ATRNL1: variants seen among roughly 807,000 people sequenced by gnomAD.
The protein encoded by ATRNL1 is attractin like 1, also known as attractin-like protein 1.
ATRNL1 carries 95 observed loss-of-function variants against 182.7 expected under a neutral mutation model. The ratio of observed to expected loss-of-function variants is 0.52; its 90% CI spans 0.44 to 0.62. ATRNL1 has a LOEUF of 0.62. Among genes scored for constraint, ATRNL1 ranks in the 20% least tolerant of loss-of-function variants. ATRNL1 has a pLI of 0.00. For synonymous variants in ATRNL1, 576 were observed against 568.3 expected (o/e 1.01, Z -0.19); for missense variants, 1,471 against 1,679.5 (o/e 0.88, Z 2.17).
chr10:115,357,587 A>G (rs1478682945), intron 19 of ATRNL1, among the ~76,000 whole-genome samples: 7 of 151,688 alleles, frequency 4.6e-5, no homozygotes, highest in Non-Finnish European at 7.4e-5. Context: ...TCAAAGACCC[A>G]TTTTTATATG....
intron 28 of ATRNL1, among the ~76,000 whole-genome samples, chr10:115,878,483 A>C (rs1951747731): frequency 6.6e-6 from 1 of 152,220 alleles, no homozygotes; most frequent in Admixed American, 6.5e-5. Context: ...AAGGGTTCTG[A>C]ACTTGCAGAA....
chr10:115,461,123 TA>T (rs1847774751), intron 21 of ATRNL1, among the ~76,000 whole-genome samples: 1 of 152,140 alleles, frequency 6.6e-6, no homozygotes, highest in African/African-American at 2.4e-5. Flanking sequence ...TCTATATTAA[TA>T]ATTTTTAATG....
chr10:115,409,522 A>G (rs1161855719), intron 20 of ATRNL1, among the ~76,000 whole-genome samples: 1 of 152,152 alleles, frequency 6.6e-6, no homozygotes, highest in Non-Finnish European at 1.5e-5. Context: ...AAACAGGACA[A>G]TTTCACTTCC....
At chr10:115,431,529 G>A (rs895854416) in intron 21 of ATRNL1, among the ~76,000 whole-genome samples, 1 of 151,802 alleles carries the variant, frequency 6.6e-6, no homozygotes, top group South Asian at 2.1e-4. Flanking sequence ...GCTACAGTTC[G>A]CATAGGGAAG....
chr10:115,327,481 G>A (rs1327634732), intron 18 of ATRNL1, among the ~76,000 whole-genome samples: 3 of 151,016 alleles, frequency 2.0e-5, no homozygotes, highest in Non-Finnish European at 3.0e-5. Flanking sequence ...CTTTTACACT[G>A]TTGGTGGGAC....
At chr10:115,342,514 G>C (rs917046188) in intron 19 of ATRNL1, among the ~76,000 whole-genome samples, 1 of 147,986 alleles carries the variant, frequency 6.8e-6, no homozygotes, top group Non-Finnish European at 1.5e-5. Flanking sequence ...TTTTTAACTT[G>C]TTATTGTTTG....
intron 1 of ATRNL1, among the ~76,000 whole-genome samples, chr10:115,094,250 C>T (rs902543396): frequency 4.6e-5 from 7 of 152,160 alleles, no homozygotes; most frequent in East Asian, 1.9e-4. Context: ...AGCTCGGGCC[C>T]GCGCGGAGCC....
rs1169357453 is a variant in ATRNL1 at position 115,917,480 on chromosome 10, A to G, written c.4019-27178A>G. On this transcript the variant is annotated intron_variant, in intron 28 of 28. Coordinates refer to ENST00000355044, the MANE Select transcript of ATRNL1 (RefSeq NM_207303.4). Reference sequence around the variant, plus strand: ...GCAAGACTCTGTCTCAAAAAAAAAAAAAAAAGAAAAAAAAAACGGGGCCAT... The same window carrying G: ...GCAAGACTCTGTCTCAAAAAAAAAAGAAAAAGAAAAAAAAAACGGGGCCAT... 6.1e-4 allele frequency among the ~76,000 whole-genome samples: 5 copies of G among 8,160 alleles called. No individual in the cohort carries two copies. The Non-Finnish European group carries it at 7.1e-3, about 12-fold the overall frequency. 5.4% of individuals were successfully genotyped at this position (8,160 alleles called of 152,430 possible).
chr10:115,736,803 T>G (rs11591853), intron 27 of ATRNL1, among the ~76,000 whole-genome samples: 143,179 of 151,970 alleles, frequency 0.94, 68,025 homozygotes, highest in East Asian at 1. Flanking sequence ...CGTCTTGCTC[T>G]GTCGCCCAGG....
intron 26 of ATRNL1, among the ~76,000 whole-genome samples, chr10:115,627,668 T>G (rs572037866): frequency 3.9e-5 from 6 of 152,120 alleles, no homozygotes; most frequent in African/African-American, 1.4e-4. Context: ...CCCCACCTCA[T>G]TGTATTTTCA....
intron 28 of ATRNL1, among the ~76,000 whole-genome samples, chr10:115,870,393 G>T (rs1951552239): frequency 6.6e-6 from 1 of 152,168 alleles, no homozygotes; most frequent in Non-Finnish European, 1.5e-5. Flanking sequence ...TTAAGATAAG[G>T]CCATCCTTTT....
chr10:115,420,785 C>T (rs1334999951), intron 20 of ATRNL1, among the ~76,000 whole-genome samples: 2 of 151,374 alleles, frequency 1.3e-5, no homozygotes, highest in Non-Finnish European at 2.9e-5. Flanking sequence ...AAATAAGAAA[C>T]GAAATTGACA....
intron 27 of ATRNL1, among the ~76,000 whole-genome samples, chr10:115,812,160 T>C (rs1191830678): frequency 6.6e-6 from 1 of 152,108 alleles, no homozygotes; most frequent in African/African-American, 2.4e-5. Flanking sequence ...CTGTGTTATA[T>C]ATTTATATTT....
intron 26 of ATRNL1, among the ~76,000 whole-genome samples, chr10:115,629,282 G>A (rs559895787): frequency 1.3e-5 from 2 of 152,158 alleles, no homozygotes. Flanking sequence ...TCCAACTTTA[G>A]TAAACCAACA....
rs1379842142 is a variant in ATRNL1, at chr10:115,945,051, G to A, written c.*272G>A. On this transcript the variant is annotated 3_prime_UTR_variant, in exon 29 of 29. Transcript: ENST00000355044. ...ATTACTCTGGAAAAAGATGTATATT[G>A]TTTCTTAATGAAGATGAAAAATATG... The A allele has an allele frequency of 4.2e-5, 10 of 238,730 alleles. No homozygotes were observed. Among genetic ancestry groups the A allele is most frequent in the Admixed American group, 3.9e-4 (7 of 18,004 alleles). 14.8% of individuals were successfully genotyped at this position (238,730 alleles called of 1,614,324 possible).
intron 26 of ATRNL1, among the ~76,000 whole-genome samples, chr10:115,557,842 C>T (rs1260956334): frequency 6.6e-6 from 1 of 152,018 alleles, no homozygotes; most frequent in African/African-American, 2.4e-5. Flanking sequence ...GTCAAGAGAT[C>T]GAGACCATCC....
At chr10:115,581,902 AC>A (rs1411368412) in intron 26 of ATRNL1, among the ~76,000 whole-genome samples, 1 of 70,388 alleles carries the variant, frequency 1.4e-5, no homozygotes, top group Non-Finnish European at 2.6e-5. Context: ...CCCTCCCCCC[AC>A]CCCACAACAG....
rs371270631 is a variant in ATRNL1, at chr10:115,610,299, T to C, written c.3795+60763T>C. Among the ~76,000 whole-genome samples, 18 of 152,298 alleles carry C rather than the reference T, an allele frequency of 1.2e-4. No homozygotes were observed. The East Asian group carries it at 2.3e-3, about 20-fold the overall frequency. ...CAAACTTGCAGTTAAAACCAAATTT[T>C]AGTAGCAAATAGAGGAAATTTAATA... On this transcript the variant is annotated intron_variant, in intron 26 of 28. Transcript: ENST00000355044.
intron 26 of ATRNL1, among the ~76,000 whole-genome samples, chr10:115,581,344 G>A (rs1555007305): frequency 6.6e-6 from 1 of 152,010 alleles, no homozygotes; most frequent in Non-Finnish European, 1.5e-5. Flanking sequence ...GGAAAATTTG[G>A]CATGTTAGAT....
Sources: gnomAD v4.1 joint callset for allele counts (sites outside exome capture counted in the v4.1 genomes callset) on GRCh38, gnomAD v4.1.1 for gene constraint, MANE v1.5 for transcripts, NCBI Gene and HGNC (gene_info 2026-07-23, HGNC 2026-07-21) for gene names.